MAP3K5: variants seen among roughly 807,000 people sequenced by gnomAD.
MAP3K5 encodes mitogen-activated protein kinase kinase kinase 5.
In MAP3K5, 56 loss-of-function variants were observed where a neutral mutation model predicts 158.7. That is an observed-to-expected ratio of 0.35 (90% CI 0.28 to 0.44). The LOEUF (loss-of-function observed/expected upper bound fraction) is 0.44, where lower values mean the gene tolerates loss of function less well. MAP3K5 is among the 20% of genes least tolerant of loss of function. MAP3K5 has a pLI of 1.00. For synonymous variants in MAP3K5, 579 were observed against 601.7 expected, an observed-to-expected ratio of 0.96 and a Z score of 0.55; for missense variants, 1,294 against 1,674.8, an observed-to-expected ratio of 0.77 and a Z score of 3.97.
chr6:136,749,698 A>G (rs1254041902), intron 1 of MAP3K5, among the ~76,000 whole-genome samples: 2 of 152,046 alleles, frequency 1.3e-5, no homozygotes, highest in Non-Finnish European at 1.5e-5. Context: ...GTCTTGTCCA[A>G]TAGAATGTGA....
At chr6:136,701,915 C>T (rs544485699) in intron 3 of MAP3K5, among the ~76,000 whole-genome samples, 9 of 152,194 alleles carry the variant, frequency 5.9e-5, no homozygotes, top group South Asian at 4.1e-4. Flanking sequence ...TATTGAAATA[C>T]GGGGCAATGG....
chr6:136,649,093 C>T (rs9402837), intron 11 of MAP3K5, among the ~76,000 whole-genome samples: 46,495 of 152,142 alleles, frequency 0.31, 8,463 homozygotes, highest in Non-Finnish European at 0.39. Flanking sequence ...CCTCAGCCTC[C>T]TGAGTAGTGG....
chr6:136,612,494 G>T (rs879346988), intron 17 of MAP3K5, among the ~76,000 whole-genome samples: 7 of 151,986 alleles, frequency 4.6e-5, no homozygotes, highest in African/African-American at 7.3e-5. Flanking sequence ...GAATATGTAG[G>T]GACATGATAG....
chr6:136,737,272 C>A (rs1249289534), intron 1 of MAP3K5, among the ~76,000 whole-genome samples: 1 of 152,090 alleles, frequency 6.6e-6, no homozygotes, highest in African/African-American at 2.4e-5. Flanking sequence ...GGTTGAAGAA[C>A]TACCTATTGG....
chr6:136,714,327 G>GACATC (rs1223345187), intron 2 of MAP3K5, among the ~76,000 whole-genome samples: 2 of 152,014 alleles, frequency 1.3e-5, no homozygotes, highest in African/African-American at 4.8e-5. Context: ...TTTACACATG[G>GACATC]ACATCACTGC....
chr6:136,662,867 T>C (rs1426359728), intron 8 of MAP3K5, among the ~76,000 whole-genome samples: 2 of 152,252 alleles, frequency 1.3e-5, no homozygotes, highest in Non-Finnish European at 2.9e-5. Context: ...CATTGCTGTG[T>C]TAACAACCAC....
chr6:136,720,783 T>C (rs898606243), intron 1 of MAP3K5, among the ~76,000 whole-genome samples, 194 bp from the exon 2 acceptor site: 1 of 152,176 alleles, frequency 6.6e-6, no homozygotes, highest in East Asian at 1.9e-4. Context: ...ACAAACCTCC[T>C]TTTTCTGTTT....
chr6:136,610,184 A>C (rs1776270311), intron 18 of MAP3K5, among the ~76,000 whole-genome samples: 1 of 151,856 alleles, frequency 6.6e-6, no homozygotes. Flanking sequence ...AGAACTTAAC[A>C]CTTCATGAGA....
chr6:136,667,923 T>A (rs898376645), intron 8 of MAP3K5, among the ~76,000 whole-genome samples: 2 of 152,140 alleles, frequency 1.3e-5, no homozygotes, highest in African/African-American at 4.8e-5. Flanking sequence ...AAATACTTTA[T>A]CATTCTTTTA....
In MAP3K5 at chr6:136,681,152, G is replaced by A. The variant is rs1011653058; in HGVS notation, c.1254-11757C>T. On this transcript the variant is annotated intron_variant, in intron 7 of 29. Transcript: ENST00000359015. Reference sequence around the variant, plus strand: ...AGCCAGATTTGCAAACAATCGCTTTGGTTCACTAAGTGAAATCACTCCTAT... The same window carrying A: ...AGCCAGATTTGCAAACAATCGCTTTAGTTCACTAAGTGAAATCACTCCTAT... Among the ~76,000 whole-genome samples the A allele has an allele frequency of 2.0e-5, 3 of 152,192 alleles. No individual in the cohort carries two copies. In the South Asian group the frequency reaches 6.2e-4, roughly 32 times the overall value.
chr6:136,694,332 T>C (rs2114657029), intron 6 of MAP3K5, 22 bp from the exon 7 acceptor site: 2 of 1,592,206 alleles, frequency 1.3e-6, no homozygotes, highest in East Asian at 4.5e-5. Flanking sequence ...AACATTGTTG[T>C]TTCAATATAC....
intron 24 of MAP3K5, among the ~76,000 whole-genome samples, chr6:136,582,720 C>T (rs1258578447): frequency 6.6e-6 from 1 of 152,212 alleles, no homozygotes; most frequent in African/African-American, 2.4e-5. Flanking sequence ...GCAATACACA[C>T]ATTAGGGCTG....
At chr6:136,732,603 T>TG (rs1243086937) in intron 1 of MAP3K5, among the ~76,000 whole-genome samples, 1 of 152,208 alleles carries the variant, frequency 6.6e-6, no homozygotes, top group Non-Finnish European at 1.5e-5. Flanking sequence ...CAGGGACAGC[T>TG]GAAACACGCC....
At chr6:136,662,463 T>C (rs1779045063) in intron 8 of MAP3K5, among the ~76,000 whole-genome samples, 1 of 152,224 alleles carries the variant, frequency 6.6e-6, no homozygotes, top group African/African-American at 2.4e-5. Context: ...GTTAAGAACA[T>C]GGCTCTAATT....
In MAP3K5 at chr6:136,791,919, C is replaced by T; in HGVS notation, c.239G>A (p.Arg80Gln). ...GCTGCCCCCGCCAACAGAGCTGCCC[C>T]GGCCTCGGGTGGCACTGCTCGAGGA... ...ATSSSSATRG[R>Q]GSSVGGGSRR... The change falls in exon 1 of 30, where the codon CGG (arginine) becomes CAG (glutamine). Residue 80 changes from arginine to glutamine, a missense_variant. Around this residue, in one of 5 missense-constraint regions of MAP3K5, gnomAD observed 690 missense variants for 870.5 expected, o/e 0.79. Transcript: ENST00000359015. The T allele has an allele frequency of 6.2e-7, 1 of 1,612,870 alleles. No individual in the cohort carries two copies. Among genetic ancestry groups the T allele is most frequent in the East Asian group, 2.2e-5 (1 of 44,836 alleles).
At chr6:136,734,328 G>A (rs1488635922) in intron 1 of MAP3K5, among the ~76,000 whole-genome samples, 1 of 136,764 alleles carries the variant, frequency 7.3e-6, no homozygotes, top group African/African-American at 2.7e-5. Context: ...ACTGAGGCAG[G>A]AAAATTGCTT....
intron 23 of MAP3K5, among the ~76,000 whole-genome samples, chr6:136,584,930 T>C (rs1017664063): frequency 9.2e-5 from 14 of 152,150 alleles, no homozygotes; most frequent in Admixed American, 2.6e-4. Flanking sequence ...GTCCTAACGG[T>C]GTGTCAGTTC....
At chr6:136,632,955 A>G (rs1777445316) in intron 14 of MAP3K5, among the ~76,000 whole-genome samples, 1 of 152,242 alleles carries the variant, frequency 6.6e-6, no homozygotes, top group African/African-American at 2.4e-5. Context: ...CATAGCCTTG[A>G]ATCAAAAGAA....
intron 1 of MAP3K5, among the ~76,000 whole-genome samples, chr6:136,729,427 A>G (rs1014515070): frequency 3.3e-5 from 5 of 152,250 alleles, no homozygotes; most frequent in Admixed American, 2.0e-4. Flanking sequence ...TAAGGATTAC[A>G]TGTGTGCTAG....
Sources: gnomAD v4.1 joint callset for allele counts (sites outside exome capture counted in the v4.1 genomes callset) on GRCh38, gnomAD v4.1.1 for gene constraint, gnomAD v4.1.1 regional missense constraint, MANE v1.5 for transcripts, NCBI Gene and HGNC (gene_info 2026-07-23, HGNC 2026-07-21) for gene names.